Variants in GTF3C1 observed in about 807,000 individuals in gnomAD.
The protein encoded by GTF3C1 is general transcription factor IIIC subunit 1, also known as general transcription factor 3C polypeptide 1.
In GTF3C1, 57 loss-of-function variants were observed where a neutral mutation model predicts 226.7. The ratio of observed to expected loss-of-function variants is 0.25; its 90% CI spans 0.20 to 0.31. The LOEUF (loss-of-function observed/expected upper bound fraction) is 0.31. Ranked by LOEUF, GTF3C1 falls within the 10% of genes least tolerant of loss-of-function variation. The pLI is 1.00. For synonymous variants in GTF3C1, 1,090 were observed against 1,084.8 expected (o/e 1.00, Z -0.09); for missense variants, 2,217 against 2,776.1 (o/e 0.80, Z 4.53).
intron 5 of GTF3C1, among the ~76,000 whole-genome samples, chr16:27,530,768 C>T (rs139445236): frequency 2.0e-5 from 3 of 152,274 alleles, no homozygotes; most frequent in Non-Finnish European, 4.4e-5. Flanking sequence ...CTACAGGGGG[C>T]CAGGCACTGT....
chr16:27,493,625 C>T (rs1477957806), intron 16 of GTF3C1, among the ~76,000 whole-genome samples: 4 of 152,160 alleles, frequency 2.6e-5, no homozygotes, highest in East Asian at 3.9e-4. Flanking sequence ...AGAGAACACG[C>T]GTTCCTTTTG....
chr16:27,461,608 G>T lies in GTF3C1; in HGVS notation c.6118-46C>A. ...GGTTACAGCGGCACTGCCCTCGCCT[G>T]CTTGTTGATTTATTCTTCAAGCATT... On this transcript the variant is annotated intron_variant, in intron 36 of 36. Coordinates refer to ENST00000356183, the MANE Select transcript of GTF3C1 (RefSeq NM_001520.4). The surrounding 1 kb of genome is among the most constrained non-coding windows in gnomAD (Gnocchi z 5.3). 7.2e-7 allele frequency: 1 copy of T among 1,387,766 alleles called. No homozygotes were observed. Among genetic ancestry groups the T allele is most frequent in the Non-Finnish European group, 1.0e-6 (1 of 980,584 alleles). 86.0% of individuals were successfully genotyped at this position (1,387,766 alleles called of 1,614,324 possible).
intron 33 of GTF3C1, 89 bp from the exon 34 acceptor site, chr16:27,464,925 C>T: frequency 8.6e-7 from 1 of 1,162,230 alleles, no homozygotes; most frequent in Non-Finnish European, 1.2e-6. Context: ...CCTCCCCTGA[C>T]TGGCGGGTTG....
Position 27,465,562 on chromosome 16 carries a change from T to G in GTF3C1, c.5075-22A>C, listed in dbSNP as rs762090343. Reference sequence around the variant, plus strand: ...GCGGCTGTGGGGACACAGAGGAAGATCAGAGGCAGCCCGACAGAGGCCCCC... The same window carrying G: ...GCGGCTGTGGGGACACAGAGGAAGAGCAGAGGCAGCCCGACAGAGGCCCCC... On this transcript the variant is annotated intron_variant, in intron 32 of 36. Transcript: ENST00000356183. The G allele has an allele frequency of 3.2e-6, 5 of 1,582,068 alleles. No individual in the cohort carries two copies. The Admixed American group carries it at 5.2e-5, about 16-fold the overall frequency.
At chr16:27,510,468 A>T (rs1262909682) in intron 7 of GTF3C1, among the ~76,000 whole-genome samples, 1 of 151,956 alleles carries the variant, frequency 6.6e-6, no homozygotes, top group African/African-American at 2.4e-5. Flanking sequence ...GAGGCAGGAG[A>T]ATCACTTGAA....
chr16:27,506,776 G>C, intron 9 of GTF3C1, 71 bp downstream of exon 9: 1 of 1,146,476 alleles, frequency 8.7e-7, no homozygotes, highest in South Asian at 1.5e-5. Context: ...TTGCTGAACT[G>C]AAGGGGTGTT....
intron 4 of GTF3C1, among the ~76,000 whole-genome samples, chr16:27,533,848 A>G (rs1188611456): frequency 6.6e-6 from 1 of 152,110 alleles, no homozygotes; most frequent in Non-Finnish European, 1.5e-5. Context: ...TCTACTACAA[A>G]TACAAAAATT....
intron 6 of GTF3C1, 35 bp downstream of exon 6, chr16:27,528,563 C>A (rs762099073): frequency 6.4e-7 from 1 of 1,571,140 alleles, no homozygotes; most frequent in Admixed American, 1.8e-5. Flanking sequence ...GAGAGCCAGC[C>A]AGCCAAGGGA....
At position 27,465,316 on chromosome 16, in the gene GTF3C1, A is replaced by G. The variant is rs1003940477; in HGVS notation, c.5299T>C (p.Ser1767Pro). The G allele has an allele frequency of 4.3e-6, 7 of 1,614,022 alleles. No homozygotes were observed. Among genetic ancestry groups the G allele is most frequent in the African/African-American group, 4.0e-5 (3 of 74,912 alleles). Residue 1767 changes from serine to proline, a missense_variant, in exon 33 of 37, where the codon TCG becomes CCG. Transcript: ENST00000356183. The stretch of plus-strand genomic sequence containing the variant: ...CCACCACCTGCCTTCTCCAAGGCCG[A>G]GAACCGTCTGCGCAGCTCCTCCTTG... Reference protein sequence around the residue: ...IDKEELRRRFSALEKAGGGRT... With the variant: ...IDKEELRRRFPALEKAGGGRT...
intron 32 of GTF3C1, chr16:27,465,974 T>C (rs1310315433): frequency 5.6e-6 from 1 of 180,172 alleles, no homozygotes; most frequent in Admixed American, 5.4e-5. Flanking sequence ...CTACACACCC[T>C]ACTTTTGCCT....
rs375410144 is a variant in GTF3C1, at chr16:27,507,201, A to C, written c.1243-45T>G. 6.4e-6 allele frequency: 9 copies of C among 1,417,166 alleles called. No homozygotes were observed. The African/African-American group carries it at 1.1e-4, about 18-fold the overall frequency. The allele number at this position is 1,417,166 out of a possible 1,614,324, so 87.8% of individuals were successfully genotyped here. A position where few individuals can be genotyped will look rare whatever the true frequency, so the allele number is the denominator to read the frequency against. ...TTTATCCCACTGCAAAGAGGGCGTC[A>C]TACCCACAGGGGTTCAGGTGGTCTG... On this transcript the variant is annotated intron_variant, in intron 8 of 36. Transcript: ENST00000356183. This position sits in a 1 kb window ranked among gnomAD's most constrained non-coding sequence, Gnocchi z 4.9.
In GTF3C1 at chr16:27,501,135, C is replaced by A. The variant is rs1178671155; in HGVS notation, c.2061+56G>T. On this transcript the variant is annotated intron_variant, in intron 12 of 36. Transcript: ENST00000356183. ...TACAGCAATGACAAGAGAAGCTAGA[C>A]AAAAACTTCCAACAGCACGAGGCTG... 4.0e-6 allele frequency: 6 copies of A among 1,481,688 alleles called. No homozygotes were observed. The East Asian group carries it at 9.1e-5, about 23-fold the overall frequency. 91.8% of individuals were successfully genotyped at this position (1,481,688 alleles called of 1,614,324 possible). A position where few individuals can be genotyped will look rare whatever the true frequency, so the allele number is the denominator to read the frequency against.
At chr16:27,484,508 C>G (rs143553115) in intron 24 of GTF3C1, among the ~76,000 whole-genome samples, 155 bp from the exon 25 acceptor site, 21 of 152,308 alleles carry the variant, frequency 1.4e-4, no homozygotes, top group African/African-American at 4.3e-4. Flanking sequence ...CTGGGCCCAC[C>G]ATGTGCCAGA....
chr16:27,499,928 C>T (rs1027868592), intron 12 of GTF3C1, among the ~76,000 whole-genome samples: 30 of 152,300 alleles, frequency 2.0e-4, no homozygotes, highest in Middle Eastern at 3.4e-3. Flanking sequence ...CACATGCACA[C>T]GACGGAAGCC....
At chr16:27,535,181 A>T (rs1236090053) in intron 4 of GTF3C1, among the ~76,000 whole-genome samples, 3 of 152,246 alleles carry the variant, frequency 2.0e-5, no homozygotes, top group African/African-American at 7.2e-5. Context: ...TCTGCATAAA[A>T]TTAACTGTAA....
chr16:27,521,657 T>C (rs1459470188), intron 6 of GTF3C1, among the ~76,000 whole-genome samples: 1 of 152,264 alleles, frequency 6.6e-6, no homozygotes, highest in Non-Finnish European at 1.5e-5. Flanking sequence ...CTCTTACCCC[T>C]GTTTTAAGTT....
chr16:27,480,946 G>A, intron 27 of GTF3C1, 133 bp downstream of exon 27: 1 of 679,404 alleles, frequency 1.5e-6, no homozygotes, highest in South Asian at 1.8e-5. Flanking sequence ...GGAGAGACAG[G>A]AGGGCCACTG....
intron 1 of GTF3C1, 48 bp downstream of exon 1, chr16:27,549,622 G>A (rs1220858440): frequency 7.2e-6 from 6 of 836,752 alleles, no homozygotes; most frequent in Admixed American, 2.2e-5. Flanking sequence ...ATCAGCCCCC[G>A]GGCCCTGCGC....
At chr16:27,499,224 G>C (rs941212601) in intron 12 of GTF3C1, among the ~76,000 whole-genome samples, 1 of 152,246 alleles carries the variant, frequency 6.6e-6, no homozygotes, top group Admixed American at 6.5e-5. Flanking sequence ...CAAACCGGCA[G>C]AGGATTTAGA....
Sources: gnomAD v4.1 joint callset for allele counts (sites outside exome capture counted in the v4.1 genomes callset) on GRCh38, gnomAD v4.1.1 for gene constraint, Gnocchi (gnomAD v3.1) non-coding constraint, MANE v1.5 for transcripts, NCBI Gene and HGNC (gene_info 2026-07-23, HGNC 2026-07-21) for gene names.